IL33: variants seen among roughly 807,000 people sequenced by gnomAD.
IL33 encodes interleukin 33.
In IL33, 37 loss-of-function variants were observed where a neutral mutation model predicts 27.3. The observed-to-expected ratio is 1.36, with a 90% confidence interval of 1.04 to 1.78. The LOEUF is 1.78. IL33 is among the 40% of genes most tolerant of loss of function. The probability of loss-of-function intolerance (pLI) is 0.00; values close to 1 mark genes in which losing one functional copy is unlikely to be tolerated. For missense variants in IL33, 406 were observed against 311.4 expected, an observed-to-expected ratio of 1.30 and a Z score of -2.29; for synonymous variants, 132 against 102.9, an observed-to-expected ratio of 1.28 and a Z score of -1.71.
chr9:6,239,629 C>T (rs534811787), intron 1 of IL33, among the ~76,000 whole-genome samples: 1 of 152,004 alleles, frequency 6.6e-6, no homozygotes, highest in African/African-American at 2.4e-5. Flanking sequence ...AGCTTTCTCT[C>T]CTTCTTTCAT....
intron 1 of IL33, among the ~76,000 whole-genome samples, chr9:6,217,949 C>T (rs963865307): frequency 6.8e-6 from 1 of 146,920 alleles, no homozygotes; most frequent in African/African-American, 2.4e-5. Flanking sequence ...GGGTCCTATA[C>T]TGTTTCCAAC....
intron 1 of IL33, 21 bp from the exon 2 acceptor site, chr9:6,241,663 T>G: frequency 7.0e-7 from 1 of 1,422,846 alleles, no homozygotes; most frequent in Non-Finnish European, 9.7e-7. Context: ...AATGAACTAA[T>G]ATTATATTTT....
chr9:6,253,280 A>T (rs575885579), intron 5 of IL33, among the ~76,000 whole-genome samples: 135 of 152,318 alleles, frequency 8.9e-4, no homozygotes, highest in Non-Finnish European at 1.7e-3. Flanking sequence ...TAAATTATCC[A>T]CCAGATCTTT....
chr9:6,241,026 G>A (rs1819496029), intron 1 of IL33, among the ~76,000 whole-genome samples: 1 of 151,966 alleles, frequency 6.6e-6, no homozygotes, highest in African/African-American at 2.4e-5. Context: ...GGCCTACACA[G>A]GGTCAGGATC....
chr9:6,257,194 T>G lies in IL33; in HGVS notation c.*1026T>G, dbSNP rs1253601554. 3 of 152,312 alleles carry G rather than the reference T, an allele frequency of 2.0e-5. No individual in the cohort carries two copies. Among genetic ancestry groups the G allele is most frequent in the East Asian group, 1.9e-4 (1 of 5,188 alleles). 9.4% of individuals were successfully genotyped at this position (152,312 alleles called of 1,614,324 possible). On this transcript the variant is annotated 3_prime_UTR_variant, in exon 8 of 8. Coordinates refer to ENST00000682010, the MANE Select transcript of IL33 (RefSeq NM_033439.4). ...CCCTGGCTTCCAGGGACCTATGTCT[T>G]TTAATACTCACTGTCACATTGGGCA...
At chr9:6,248,035 C>G (rs11792633) in intron 2 of IL33, among the ~76,000 whole-genome samples, 1 of 151,738 alleles carries the variant, frequency 6.6e-6, no homozygotes, top group Non-Finnish European at 1.5e-5. Flanking sequence ...ATTAGGCATG[C>G]CTATCACGTT....
At chr9:6,242,637 C>T (rs900767304) in intron 2 of IL33, 9 of 152,168 alleles carry the variant, frequency 5.9e-5, no homozygotes, top group Non-Finnish European at 1.5e-5. Flanking sequence ...GAAAATACCA[C>T]TACTAAAAAC....
rs1161029197 is a variant in IL33, at chr9:6,256,060, TC to T, written c.707del (p.Pro236LeufsTer5). 6.2e-7 allele frequency: 1 copy of T among 1,613,346 alleles called. No individual in the cohort carries two copies. Among genetic ancestry groups the T allele is most frequent in the Non-Finnish European group, 8.5e-7 (1 of 1,179,332 alleles). On this transcript the variant is annotated frameshift_variant, in exon 8 of 8. Transcript: ENST00000682010. LOFTEE classifies it low-confidence loss of function (END_TRUNC). The stretch of plus-strand genomic sequence containing the variant: ...GTGTTTCATTTGAATGCAAGACTGA[TC>T]CTGGAGTGTTTATAGGTGTAAAGGA... ...NCVSFECKTD[P>X]GVFIGVKDNH...
intron 1 of IL33, among the ~76,000 whole-genome samples, chr9:6,229,080 A>G (rs1818798179): frequency 6.6e-6 from 1 of 152,082 alleles, no homozygotes; most frequent in Non-Finnish European, 1.5e-5. Flanking sequence ...CTGCCAGTAT[A>G]GAAGGGGCCC....
chr9:6,241,621 C>G, intron 1 of IL33, 63 bp from the exon 2 acceptor site: 1 of 938,044 alleles, frequency 1.1e-6, no homozygotes, highest in South Asian at 1.6e-5. Context: ...GAGCTAGCCA[C>G]AGTTGTTTCC....
At chr9:6,251,758 G>C (rs1816374822) in intron 4 of IL33, among the ~76,000 whole-genome samples, 1 of 151,366 alleles carries the variant, frequency 6.6e-6, no homozygotes, top group Non-Finnish European at 1.5e-5. Flanking sequence ...AAAAAAACTT[G>C]GCCAGGTGTG....
chr9:6,237,933 TAA>T, intron 1 of IL33, among the ~76,000 whole-genome samples: 1 of 152,312 alleles, frequency 6.6e-6, no homozygotes, highest in South Asian at 2.1e-4. Context: ...ATATACAACT[TAA>T]AATACAACTA....
At chr9:6,240,897 C>A (rs1430950788) in intron 1 of IL33, among the ~76,000 whole-genome samples, 3 of 152,018 alleles carry the variant, frequency 2.0e-5, no homozygotes, top group African/African-American at 7.2e-5. Flanking sequence ...ACAAAAATTT[C>A]TTCCTTTATA....
chr9:6,220,823 A>C (rs1818379631), intron 1 of IL33, among the ~76,000 whole-genome samples: 1 of 152,142 alleles, frequency 6.6e-6, no homozygotes, highest in South Asian at 2.1e-4. Flanking sequence ...GCTCGATCAC[A>C]ACTCACTGCA....
At chr9:6,241,087 CA>C (rs1484148014) in intron 1 of IL33, among the ~76,000 whole-genome samples, 1 of 152,128 alleles carries the variant, frequency 6.6e-6, no homozygotes, top group Non-Finnish European at 1.5e-5. Flanking sequence ...GGAAGTTCTT[CA>C]GGGGCAATAA....
intron 1 of IL33, among the ~76,000 whole-genome samples, chr9:6,230,383 A>C (rs1818869199): frequency 6.6e-6 from 1 of 152,056 alleles, no homozygotes; most frequent in South Asian, 2.1e-4. Flanking sequence ...AGAGTGGTGG[A>C]GGGTAGGGGA....
intron 1 of IL33, among the ~76,000 whole-genome samples, chr9:6,225,801 T>C (rs1818598273): frequency 6.6e-6 from 1 of 151,980 alleles, no homozygotes; most frequent in South Asian, 2.1e-4. Flanking sequence ...CAGCTAACTA[T>C]AGCCTGGACC....
intron 2 of IL33, among the ~76,000 whole-genome samples, chr9:6,246,552 C>G (rs1564067618): frequency 6.6e-6 from 1 of 152,038 alleles, no homozygotes; most frequent in Non-Finnish European, 1.5e-5. Flanking sequence ...CAGAGCGAGT[C>G]TCCATCTCAA....
intron 1 of IL33, among the ~76,000 whole-genome samples, chr9:6,223,602 C>A (rs1222426750): frequency 6.6e-6 from 1 of 151,876 alleles, no homozygotes; most frequent in Non-Finnish European, 1.5e-5. Flanking sequence ...TTAAACAATT[C>A]AACCATAAAG....
Sources: gnomAD v4.1 joint callset for allele counts (sites outside exome capture counted in the v4.1 genomes callset) on GRCh38, gnomAD v4.1.1 for gene constraint, MANE v1.5 for transcripts, NCBI Gene and HGNC (gene_info 2026-07-23, HGNC 2026-07-21) for gene names.